Variants in KCNH2 observed in about 807,000 individuals in gnomAD.
KCNH2 encodes potassium voltage-gated channel subfamily H member 2.
A neutral mutation model predicts 95.9 loss-of-function variants in KCNH2; 35 were observed. That is an observed-to-expected ratio of 0.37 (90% CI 0.28 to 0.48). The LOEUF (loss-of-function observed/expected upper bound fraction) is 0.48, where lower values mean the gene tolerates loss of function less well. Among genes scored for constraint, KCNH2 ranks in the 20% least tolerant of loss-of-function variants. The probability of loss-of-function intolerance (pLI) is 0.99; values close to 1 mark genes in which losing one functional copy is unlikely to be tolerated. For synonymous variants in KCNH2, 786 were observed against 754.7 expected (o/e 1.04, Z -0.68); for missense variants, 1,274 against 1,702.9 (o/e 0.75, Z 4.43).
chr7:150,974,837 G>C lies in KCNH2; in HGVS notation c.181C>G (p.Gln61Glu). The C allele has an allele frequency of 1.9e-6, 3 of 1,608,772 alleles. No homozygotes were observed. Among genetic ancestry groups the C allele is most frequent in the Non-Finnish European group, 2.5e-6 (3 of 1,178,044 alleles). Reference protein sequence around the residue: ...LCGYSRAEVMQRPCTCDFLHG... With the variant: ...LCGYSRAEVMERPCTCDFLHG... ...AGGAAGTCGCAGGTGCAGGGTCGCT[G>C]CATCACCTCGGCCCGCGAGTAGCCG... The change falls in exon 2 of 15, where the codon CAG becomes GAG. Residue 61 changes from glutamine to glutamate, a missense_variant. By Grantham distance (29) the Gln-to-Glu change is conservative. Around this residue, in one of 7 missense-constraint regions of KCNH2, gnomAD observed 85 missense variants for 174.7 expected, o/e 0.49. Transcript: ENST00000262186.
intron 5 of KCNH2, chr7:150,955,947 G>A (rs943591212): frequency 1.3e-5 from 8 of 606,204 alleles, no homozygotes; most frequent in Non-Finnish European, 1.4e-5. Flanking sequence ...CGGCGCTCCC[G>A]CAGCCTGAGC....
chr7:150,957,217 G>A (rs553317202), intron 5 of KCNH2, 74 bp downstream of exon 5: 3 of 1,289,952 alleles, frequency 2.3e-6, no homozygotes, highest in Non-Finnish European at 3.3e-6. Context: ...ACCCGGCTCT[G>A]GATCACAGCC....
In KCNH2 at chr7:150,951,515, G is replaced by A; in HGVS notation, c.1878C>T (p.Gly626=). ...TGGTGTTGGGAGAGACGTTGCCGAAGCCCACACTGGTGAGGCTGCTGAAGG... is the reference window on the plus strand; with the variant it reads ...TGGTGTTGGGAGAGACGTTGCCGAAACCCACACTGGTGAGGCTGCTGAAGG... ...YFTFSSLTSV[G]FGNVSPNTNS... is the part of the protein sequence containing the mutation. The change falls in exon 7 of 15, where the codon GGC becomes GGT. Residue 626 remains glycine, a synonymous_variant. Transcript: ENST00000262186. The A allele has an allele frequency of 6.2e-7, 1 of 1,614,238 alleles. No homozygotes were observed. The highest frequency in any genetic ancestry group is 8.5e-7 in the Non-Finnish European group (1 of 1,180,042).
intron 8 of KCNH2, 36 bp downstream of exon 8, chr7:150,950,885 G>A: frequency 6.2e-7 from 1 of 1,604,488 alleles, no homozygotes; most frequent in Non-Finnish European, 8.5e-7. Flanking sequence ...ACTCTTCCCA[G>A]CCTGCCACCC....
rs775056804 is a variant in KCNH2 at position 150,957,492 on chromosome 7, G to C, written c.927C>G (p.His309Gln). Residue 309 changes from histidine (H) to glutamine (Q), a missense_variant, in exon 5 of 15, where the codon CAC becomes CAG. Around this residue, in one of 7 missense-constraint regions of KCNH2, gnomAD observed 392 missense variants for 429.9 expected, o/e 0.91. Transcript: ENST00000262186. ...AGTTGAGCAAGCCGCTGCGCAGTGGGTGCATGGCCCCTAGGTGGAGAGGCA... is the reference window on the plus strand; with the variant it reads ...AGTTGAGCAAGCCGCTGCGCAGTGGCTGCATGGCCCCTAGGTGGAGAGGCA... ...PPRHASTGAM[H>Q]PLRSGLLNST... 6.2e-7 allele frequency: 1 copy of C among 1,612,976 alleles called. No homozygotes were observed. The highest frequency in any genetic ancestry group is 8.5e-7 in the Non-Finnish European group (1 of 1,179,812).
rs1201047614 is a variant in KCNH2 at position 150,947,877 on chromosome 7, G to A, written c.2694C>T (p.Asp898=). ...CCGACACCTCCCCTGGCTGCTCCGT[G>A]TCTGTGGGAAACAGAGAATGGGCCT... The part of the protein sequence containing the change: ...KLSFRRRTDK[D]TEQPGEVSAL... The change falls in exon 12 of 15, where the codon GAC becomes GAT. Residue 898 remains aspartate, a splice_region_variant and synonymous_variant. Coordinates refer to ENST00000262186, the MANE Select transcript of KCNH2 (RefSeq NM_000238.4). 2 of 1,530,622 alleles carry A rather than the reference G, an allele frequency of 1.3e-6. No individual in the cohort carries two copies. Among genetic ancestry groups the A allele is most frequent in the Admixed American group, 2.0e-5 (1 of 50,548 alleles). The allele number at this position is 1,530,622 out of a possible 1,614,324, so 94.8% of individuals were successfully genotyped here.
At position 150,977,966 on chromosome 7, in the gene KCNH2, G is replaced by T; in HGVS notation, c.-53C>A. ...CCCCCACCCACCCCGGCCCGGCCCG[G>T]CCCAGCACTAGGCTTCGGGTGGCCC... On this transcript the variant is annotated 5_prime_UTR_variant, in exon 1 of 15. Coordinates refer to ENST00000262186, the MANE Select transcript of KCNH2 (RefSeq NM_000238.4). 1 of 1,190,096 alleles carries T rather than the reference G, an allele frequency of 8.4e-7. No individual in the cohort carries two copies. Among genetic ancestry groups the T allele is most frequent in the Non-Finnish European group, 1.1e-6 (1 of 879,110 alleles). The allele number at this position is 1,190,096 out of a possible 1,614,324, so 73.7% of individuals were successfully genotyped here.
rs1801554043 is a variant in KCNH2 at position 150,961,071 on chromosome 7, C to G, written c.308-1335G>C. 6.6e-6 allele frequency among the ~76,000 whole-genome samples: 1 copy of G among 152,172 alleles called. No homozygotes were observed. The highest frequency in any genetic ancestry group is 2.4e-5 in the African/African-American group (1 of 41,434). ...CTCATCTCCCACTCTCCCTAGGGAG[C>G]CTCTTCCTTCCTCTCAGCTCCCCCT... is the stretch of plus-strand genomic sequence containing the variant. On this transcript the variant is annotated intron_variant, in intron 2 of 14. Coordinates refer to ENST00000262186, the MANE Select transcript of KCNH2 (RefSeq NM_000238.4). The surrounding 1 kb of genome is among the most constrained non-coding windows in gnomAD (Gnocchi z 6.2).
intron 2 of KCNH2, among the ~76,000 whole-genome samples, chr7:150,966,385 C>CGCA (rs200499604): frequency 1.3e-5 from 1 of 74,206 alleles, no homozygotes; most frequent in Admixed American, 1.4e-4. Flanking sequence ...GCCCCCTCCC[C>CGCA]CCCCCCCACA....
chr7:150,974,832 T>A lies in KCNH2; in HGVS notation c.186A>T (p.Arg62=), dbSNP rs1313067678. 3.1e-6 allele frequency: 5 copies of A among 1,608,132 alleles called. No individual in the cohort carries two copies. The highest frequency in any genetic ancestry group is 1.3e-5 in the African/African-American group (1 of 74,718). Residue 62 remains arginine (R), a synonymous_variant, in exon 2 of 15, where the codon CGA becomes CGT. Transcript: ENST00000262186. The part of the protein sequence containing the change: ...CGYSRAEVMQ[R]PCTCDFLHGP... ...CGTGCAGGAAGTCGCAGGTGCAGGG[T>A]CGCTGCATCACCTCGGCCCGCGAGT...
intron 7 of KCNH2, 75 bp downstream of exon 7, chr7:150,951,373 A>G: frequency 6.3e-7 from 1 of 1,579,934 alleles, no homozygotes; most frequent in Non-Finnish European, 8.6e-7. Context: ...TGGCCCGGCT[A>G]GCAGCCTCAG....
At chr7:150,965,932 G>A (rs1213433201) in intron 2 of KCNH2, among the ~76,000 whole-genome samples, 8 of 152,230 alleles carry the variant, frequency 5.3e-5, no homozygotes, top group Admixed American at 3.9e-4. Flanking sequence ...TTTCAAGCCC[G>A]TGGTGCCCTC....
chr7:150,957,997 C>A, intron 4 of KCNH2, 62 bp downstream of exon 4: 1 of 1,239,632 alleles, frequency 8.1e-7, no homozygotes, highest in Non-Finnish European at 1.0e-6. Context: ...GCCCAGAATG[C>A]AGCAAGCCTG....
chr7:150,970,059 C>T (rs1801799596), intron 2 of KCNH2, among the ~76,000 whole-genome samples: 1 of 152,126 alleles, frequency 6.6e-6, no homozygotes, highest in Non-Finnish European at 1.5e-5. Context: ...GGGCTAAATA[C>T]TTTCTGTCTC....
chr7:150,973,197 T>C (rs1801883938), intron 2 of KCNH2, among the ~76,000 whole-genome samples: 2 of 152,196 alleles, frequency 1.3e-5, no homozygotes, highest in South Asian at 4.1e-4. Context: ...CACCTGTGGT[T>C]GGCAAACTTT....
chr7:150,954,611 T>G (rs1801302187), intron 5 of KCNH2, among the ~76,000 whole-genome samples: 1 of 152,212 alleles, frequency 6.6e-6, no homozygotes, highest in East Asian at 1.9e-4. Context: ...CCCTGACTCC[T>G]CAGCTGTGGG....
rs747433742 is a variant in KCNH2, at chr7:150,977,946, A to C, written c.-33T>G. 5 of 1,465,936 alleles carry C rather than the reference A, an allele frequency of 3.4e-6. No individual in the cohort carries two copies. The highest frequency in any genetic ancestry group is 4.6e-6 in the Non-Finnish European group (5 of 1,082,920). 90.8% of individuals were successfully genotyped at this position (1,465,936 alleles called of 1,614,324 possible). ...CCATGGGCGGGCCGGGCGGGCCCCCACCCACCCCGGCCCGGCCCGGCCCAG... is the reference window on the plus strand; with the variant it reads ...CCATGGGCGGGCCGGGCGGGCCCCCCCCCACCCCGGCCCGGCCCGGCCCAG... On this transcript the variant is annotated 5_prime_UTR_variant, in exon 1 of 15. Transcript: ENST00000262186.
At chr7:150,956,367 A>T (rs1265322500) in intron 5 of KCNH2, among the ~76,000 whole-genome samples, 1 of 152,192 alleles carries the variant, frequency 6.6e-6, no homozygotes, top group Non-Finnish European at 1.5e-5. Flanking sequence ...CCGCCGAGGT[A>T]GCAGGGCAGC....
Position 150,958,297 on chromosome 7 carries a change from C to T in KCNH2, c.678G>A (p.Gly226=), listed in dbSNP as rs1801451849. 1.4e-6 allele frequency: 2 copies of T among 1,473,872 alleles called. No homozygotes were observed. The allele number at this position is 1,473,872 out of a possible 1,614,324, so 91.3% of individuals were successfully genotyped here. A position where few individuals can be genotyped will look rare whatever the true frequency, so the allele number is the denominator to read the frequency against. The stretch of plus-strand genomic sequence containing the variant: ...CCAGCGCACGCCGCTCCTCCGCGGG[C>T]CCGAGCCCTGCCACGTGGTTGTCCA... ...TAMDNHVAGL[G]PAEERRALVG... The change falls in exon 4 of 15, where the codon GGG becomes GGA. Residue 226 remains glycine (G), a synonymous_variant. Coordinates refer to ENST00000262186, the MANE Select transcript of KCNH2 (RefSeq NM_000238.4).
Sources: gnomAD v4.1 joint callset for allele counts (sites outside exome capture counted in the v4.1 genomes callset) on GRCh38, gnomAD v4.1.1 for gene constraint, gnomAD v4.1.1 regional missense constraint, Gnocchi (gnomAD v3.1) non-coding constraint, MANE v1.5 for transcripts, NCBI Gene and HGNC (gene_info 2026-07-23, HGNC 2026-07-21) for gene names.